DACH1: variants seen among roughly 807,000 people sequenced by gnomAD.
DACH1 encodes dachshund family transcription factor 1, also known as dachshund homolog 1.
DACH1 carries 12 observed loss-of-function variants against 54.2 expected under a neutral mutation model. That is an observed-to-expected ratio of 0.22 (90% confidence interval 0.14 to 0.36). The LOEUF (loss-of-function observed/expected upper bound fraction) is 0.36, where lower values mean the gene tolerates loss of function less well. Among genes scored for constraint, DACH1 ranks in the 10% least tolerant of loss-of-function variants. The pLI is 1.00. For synonymous variants in DACH1, 386 were observed against 366.2 expected (o/e 1.05, Z -0.62); for missense variants, 805 against 929.8 (o/e 0.87, Z 1.75).
At chr13:71,732,551 C>T (rs1478182880) in intron 1 of DACH1, among the ~76,000 whole-genome samples, 1 of 149,160 alleles carries the variant, frequency 6.7e-6, no homozygotes, top group Non-Finnish European at 1.5e-5. Context: ...CGCCACTGCA[C>T]TCCAGCCTCG....
intron 6 of DACH1, among the ~76,000 whole-genome samples, chr13:71,552,699 T>C (rs1257974818): frequency 2.0e-5 from 3 of 147,974 alleles, no homozygotes; most frequent in Non-Finnish European, 4.5e-5. Context: ...AGATCAGCAA[T>C]GTTTTAAAAC....
rs566715873 is a variant in DACH1, at chr13:71,501,523, A to T, written c.1571-12375T>A. 2.6e-5 allele frequency among the ~76,000 whole-genome samples: 4 copies of T among 152,338 alleles called. No individual in the cohort carries two copies. In the South Asian group the frequency reaches 6.2e-4, roughly 24 times the overall value. ...GAGCATATGTTTGAGATTTGCTTCA[A>T]AAATCTCTGGAAGAAGGGAAGAAAT... On this transcript the variant is annotated intron_variant, in intron 6 of 10. Coordinates refer to ENST00000613252, the MANE Select transcript of DACH1 (RefSeq NM_080759.6).
chr13:71,779,540 T>G (rs1170676356), intron 1 of DACH1, among the ~76,000 whole-genome samples: 1 of 152,006 alleles, frequency 6.6e-6, no homozygotes, highest in African/African-American at 2.4e-5. Context: ...TAAAAAGTAC[T>G]TACTTTACTG....
chr13:71,791,418 A>G (rs1411362530), intron 1 of DACH1, among the ~76,000 whole-genome samples: 5 of 152,002 alleles, frequency 3.3e-5, no homozygotes, highest in African/African-American at 1.2e-4. Context: ...CTGTCCCCCA[A>G]GTGGCAGGCG....
Position 71,494,678 on chromosome 13 carries a change from C to T in DACH1, c.1571-5530G>A, listed in dbSNP as rs561163662. Among the ~76,000 whole-genome samples the T allele has an allele frequency of 4.7e-4, 71 of 152,056 alleles. 1 individual carries two copies. Among genetic ancestry groups the T allele is most frequent in the African/African-American group, 1.6e-3 (65 of 41,506 alleles). On this transcript the variant is annotated intron_variant, in intron 6 of 10. Transcript: ENST00000613252. ...GGTTTTCTAAAGAAAAATAAAGCAGCACATATTATAATCTTGACCAGAAAA... is the reference window on the plus strand; with the variant it reads ...GGTTTTCTAAAGAAAAATAAAGCAGTACATATTATAATCTTGACCAGAAAA...
At chr13:71,569,638 T>C (rs1885086870) in intron 4 of DACH1, among the ~76,000 whole-genome samples, 1 of 152,134 alleles carries the variant, frequency 6.6e-6, no homozygotes, top group Non-Finnish European at 1.5e-5. Context: ...TTGGAGCTCC[T>C]TTACTTCATA....
At chr13:71,732,299 A>G (rs1883785525) in intron 1 of DACH1, among the ~76,000 whole-genome samples, 1 of 151,932 alleles carries the variant, frequency 6.6e-6, no homozygotes, top group Admixed American at 6.6e-5. Flanking sequence ...AAAATCACCA[A>G]CTGGGCCAGG....
At position 71,617,875 on chromosome 13, in the gene DACH1, A is replaced by AT. The variant is rs1875901911; in HGVS notation, c.1126+12680dup. ...TGACAAACAACTAGTCAACAGAATC[A>AT]TTTTTAAAAAAAATACTTAGCAGTA... On this transcript the variant is annotated intron_variant, in intron 3 of 10. Transcript: ENST00000613252. 2.0e-5 allele frequency among the ~76,000 whole-genome samples: 3 copies of AT among 152,098 alleles called. No homozygotes were observed. The South Asian group carries it at 6.2e-4, about 32-fold the overall frequency.
At chr13:71,493,463 C>T (rs889136149) in intron 6 of DACH1, among the ~76,000 whole-genome samples, 1 of 152,154 alleles carries the variant, frequency 6.6e-6, no homozygotes, top group African/African-American at 2.4e-5. Context: ...TCTTGAGCCA[C>T]AGAAACTGTA....
At chr13:71,717,468 C>A (rs1372554203) in intron 1 of DACH1, among the ~76,000 whole-genome samples, 1 of 149,360 alleles carries the variant, frequency 6.7e-6, no homozygotes, top group Non-Finnish European at 1.5e-5. Context: ...AGGTGGTGAC[C>A]AGAAATGAAA....
intron 6 of DACH1, among the ~76,000 whole-genome samples, chr13:71,519,883 GTATATATATATA>G (rs57190375): frequency 4.1e-4 from 12 of 29,352 alleles, no homozygotes; most frequent in South Asian, 2.3e-3. Flanking sequence ...AACCAAAGTA[GTATATATATATA>G]TATATATATA....
At chr13:71,805,123 A>T (rs1594242731) in intron 1 of DACH1, among the ~76,000 whole-genome samples, 1 of 152,332 alleles carries the variant, frequency 6.6e-6, no homozygotes, top group African/African-American at 2.4e-5. Flanking sequence ...GGGGCGTAGA[A>T]TATTTTTAAT....
chr13:71,546,299 T>C (rs1331031), intron 6 of DACH1, among the ~76,000 whole-genome samples: 1 of 151,984 alleles, frequency 6.6e-6, no homozygotes, highest in African/African-American at 2.4e-5. Flanking sequence ...AAAAGAGGGA[T>C]ATATAAAGAA....
At chr13:71,512,021 T>G (rs956651620) in intron 6 of DACH1, among the ~76,000 whole-genome samples, 2 of 151,982 alleles carry the variant, frequency 1.3e-5, no homozygotes, top group African/African-American at 2.4e-5. Context: ...CCAGAAAGTG[T>G]GTCTTGGTTC....
At chr13:71,549,059 T>G (rs747127591) in intron 6 of DACH1, among the ~76,000 whole-genome samples, 12 of 152,004 alleles carry the variant, frequency 7.9e-5, no homozygotes, top group Non-Finnish European at 1.3e-4. Context: ...AACTGGAAAC[T>G]AGCAAAACTG....
intron 1 of DACH1, among the ~76,000 whole-genome samples, chr13:71,741,040 A>G (rs912087142): frequency 9.9e-5 from 15 of 152,168 alleles, no homozygotes; most frequent in Non-Finnish European, 2.1e-4. Flanking sequence ...AAGATAAAAC[A>G]GTAAATTATT....
chr13:71,816,095 T>A (rs572656273), intron 1 of DACH1, among the ~76,000 whole-genome samples: 36 of 151,194 alleles, frequency 2.4e-4, no homozygotes, highest in East Asian at 1.9e-3. Context: ...CAAAAAAAAA[T>A]AAAATAAAAT....
Position 71,672,784 on chromosome 13 carries a change from A to G in DACH1, c.964+9011T>C, listed in dbSNP as rs150870640. Among the ~76,000 whole-genome samples, 739 of 152,310 alleles carry G rather than the reference A, an allele frequency of 4.9e-3. 5 individuals carry two copies. The highest frequency in any genetic ancestry group is 0.017 in the African/African-American group (695 of 41,566). ...AAAAGACAACATGTGGCACATCCACAATGTAACCAAGGGATTAGAACACTA... is the reference window on the plus strand; with the variant it reads ...AAAAGACAACATGTGGCACATCCACGATGTAACCAAGGGATTAGAACACTA... On this transcript the variant is annotated intron_variant, in intron 2 of 10. Transcript: ENST00000613252.
chr13:71,466,314 T>C (rs1876562847), intron 10 of DACH1, among the ~76,000 whole-genome samples: 1 of 152,214 alleles, frequency 6.6e-6, no homozygotes, highest in Admixed American at 6.5e-5. Context: ...AACATGTTTA[T>C]GAGCAAGCCA....
Sources: allele counts gnomAD v4.1 joint callset (sites outside exome capture counted in the v4.1 genomes callset), GRCh38; gene constraint gnomAD v4.1.1; transcripts MANE v1.5; gene names NCBI Gene and HGNC (gene_info 2026-07-23, HGNC 2026-07-21).